LYG2: variants seen among roughly 807,000 people sequenced by gnomAD.
LYG2 encodes lysozyme g-like protein 2.
A neutral mutation model predicts 22.4 loss-of-function variants in LYG2; 25 were observed. The ratio of observed to expected loss-of-function variants is 1.12; its 90% CI spans 0.81 to 1.56. LYG2 has a LOEUF of 1.56. Ranked by LOEUF, LYG2 falls within the 40% of genes most tolerant of loss-of-function variation. The pLI is 0.00. For synonymous variants in LYG2, 88 were observed against 97.0 expected, an observed-to-expected ratio of 0.91 and a Z score of 0.55; for missense variants, 266 against 269.5, an observed-to-expected ratio of 0.99 and a Z score of 0.09.
intron 6 of LYG2, chr2:99,243,768 A>G (rs2094010802): frequency 3.6e-6 from 2 of 556,542 alleles, no homozygotes; most frequent in Middle Eastern, 4.8e-4. Context: ...ATAGCTCAGT[A>G]AGCAATGAAT....
At chr2:99,252,969 C>T (rs2094029720) in intron 3 of LYG2, among the ~76,000 whole-genome samples, 1 of 151,220 alleles carries the variant, frequency 6.6e-6, no homozygotes, top group Non-Finnish European at 1.5e-5. Flanking sequence ...ATGGTATGAA[C>T]CCAGGAGGCA....
upstream of LYG2, among the ~76,000 whole-genome samples, chr2:99,259,789 TA>T (rs972437036): frequency 1.8e-4 from 27 of 151,878 alleles, no homozygotes; most frequent in East Asian, 3.9e-4. Flanking sequence ...CACGCTCTTT[TA>T]AAAAAAATAT....
At chr2:99,250,584 C>T (rs879587054) in intron 3 of LYG2, among the ~76,000 whole-genome samples, 1 of 152,126 alleles carries the variant, frequency 6.6e-6, no homozygotes, top group Non-Finnish European at 1.5e-5. Context: ...GCATGTTAGC[C>T]AGGATGGTCT....
chr2:99,243,648 G>A lies in LYG2; in HGVS notation c.520+351C>T, dbSNP rs2094010495. 9.3e-5 allele frequency: 64 copies of A among 687,650 alleles called. No individual in the cohort carries two copies. In the South Asian group the frequency reaches 1.4e-3, roughly 15 times the overall value. 42.6% of individuals were successfully genotyped at this position (687,650 alleles called of 1,614,324 possible). ...CCTCCCAGGCACAAGCAATCCTCCT[G>A]GCTTAGCCTCCTGAGTAGCTGGGAC... is the stretch of plus-strand genomic sequence containing the variant. On this transcript the variant is annotated intron_variant, in intron 6 of 6. Coordinates refer to ENST00000333017, the MANE Select transcript of LYG2 (RefSeq NM_175735.4).
chr2:99,256,310 T>C (rs971363258), upstream of LYG2, among the ~76,000 whole-genome samples: 70 of 152,180 alleles, frequency 4.6e-4, no homozygotes, highest in Non-Finnish European at 7.2e-4. Flanking sequence ...GTGGCAGGGC[T>C]GTTCTGAGCC....
chr2:99,261,144 T>G, the LYG2 span, among the ~76,000 whole-genome samples: 1 of 151,876 alleles, frequency 6.6e-6, no homozygotes, highest in Admixed American at 6.6e-5. Context: ...GCTGGAGTGG[T>G]CCAGGGCTGA....
At chr2:99,244,507 G>A (rs893248793) in intron 5 of LYG2, among the ~76,000 whole-genome samples, 1 of 152,130 alleles carries the variant, frequency 6.6e-6, no homozygotes, top group African/African-American at 2.4e-5. Flanking sequence ...TTAAAATCGA[G>A]CCTGGAAGCA....
At chr2:99,244,178 A>G in intron 5 of LYG2, 41 bp from the exon 6 acceptor site, 1 of 1,589,132 alleles carries the variant, frequency 6.3e-7, no homozygotes, top group Non-Finnish European at 8.6e-7. Context: ...TGGATGAGGT[A>G]ACACATTTTT....
At chr2:99,257,815 G>C (rs948885031), upstream of LYG2, among the ~76,000 whole-genome samples, 1 of 152,112 alleles carries the variant, frequency 6.6e-6, no homozygotes, top group African/African-American at 2.4e-5. Flanking sequence ...CGACTAAATG[G>C]CCTCAGCAAT....
the LYG2 span, among the ~76,000 whole-genome samples, chr2:99,261,328 C>T: frequency 3.3e-5 from 5 of 152,196 alleles, no homozygotes; most frequent in Non-Finnish European, 5.9e-5. Flanking sequence ...TGGAGTGTAT[C>T]GGCCATCCTT....
intron 5 of LYG2, among the ~76,000 whole-genome samples, chr2:99,244,964 T>C (rs1437059426): frequency 6.6e-6 from 1 of 151,714 alleles, no homozygotes; most frequent in Non-Finnish European, 1.5e-5. Flanking sequence ...TACAAAAAAT[T>C]AGCTGGGCAT....
chr2:99,251,065 A>T (rs1336243908), intron 3 of LYG2, among the ~76,000 whole-genome samples: 1 of 152,252 alleles, frequency 6.6e-6, no homozygotes, highest in Admixed American at 6.5e-5. Context: ...CAATACAAGG[A>T]TGAATGAAAA....
rs746889970 is a variant in LYG2 at position 99,255,643 on chromosome 2, G to C, written c.-184C>G. On this transcript the variant is annotated 5_prime_UTR_variant, in exon 1 of 7. Transcript: ENST00000333017. ...TCCTGCTTTTTGTTCCCATTCCAAT[G>C]TCATATGATCCCCGTACCAGTATGT... Among the ~76,000 whole-genome samples the C allele has an allele frequency of 6.6e-6, 1 of 152,108 alleles. No individual in the cohort carries two copies. The highest frequency in any genetic ancestry group is 1.5e-5 in the Non-Finnish European group (1 of 68,018).
chr2:99,245,158 G>T, intron 5 of LYG2, 104 bp downstream of exon 5: 1 of 1,282,264 alleles, frequency 7.8e-7, no homozygotes, highest in Non-Finnish European at 1.0e-6. Flanking sequence ...CCAGATGCCA[G>T]GGTATTTTGG....
chr2:99,245,845 T>A (rs1264190443), intron 4 of LYG2, among the ~76,000 whole-genome samples: 1 of 152,084 alleles, frequency 6.6e-6, no homozygotes. Flanking sequence ...AAATTGCTCA[T>A]GCCTGTAATC....
chr2:99,243,957 A>T (rs1430379780), intron 6 of LYG2, 42 bp downstream of exon 6: 1 of 1,612,774 alleles, frequency 6.2e-7, no homozygotes, highest in South Asian at 1.1e-5. Flanking sequence ...CAGTGGTCTC[A>T]TTCATTGCTC....
At chr2:99,245,050 G>T (rs1023591073) in intron 5 of LYG2, among the ~76,000 whole-genome samples, 4 of 151,438 alleles carry the variant, frequency 2.6e-5, no homozygotes, top group African/African-American at 9.7e-5. Context: ...AGTGGAGGTT[G>T]CAGTGAGCCG....
intron 3 of LYG2, among the ~76,000 whole-genome samples, chr2:99,251,834 T>TA (rs1003317213): frequency 2.1e-4 from 31 of 148,704 alleles, no homozygotes; most frequent in Admixed American, 4.0e-4. Context: ...AGAGACACAT[T>TA]AAAAAAAAAA....
At chr2:99,254,487 C>G (rs1446028949) in intron 2 of LYG2, among the ~76,000 whole-genome samples, 1 of 152,122 alleles carries the variant, frequency 6.6e-6, no homozygotes, top group African/African-American at 2.4e-5. Flanking sequence ...AATCTCACTT[C>G]AATCCAATTT....
Sources: allele counts gnomAD v4.1 joint callset (sites outside exome capture counted in the v4.1 genomes callset), GRCh38; gene constraint gnomAD v4.1.1; transcripts MANE v1.5; gene names NCBI Gene and HGNC (gene_info 2026-07-23, HGNC 2026-07-21).